The following OR9Q1 variants were observed in gnomAD, a reference collection of about 807,000 sequenced individuals.
OR9Q1 encodes the protein olfactory receptor family 9 subfamily Q member 1, also known as olfactory receptor 9Q1.
For synonymous variants in OR9Q1, 153 were observed against 148.6 expected (o/e 1.03, Z -0.22); for missense variants, 374 against 378.8 (o/e 0.99, Z 0.11).
intron 2 of OR9Q1, among the ~76,000 whole-genome samples, chr11:58,176,108 G>T (rs1854604340): frequency 6.6e-6 from 1 of 152,234 alleles, no homozygotes. Flanking sequence ...AGGGTACCCA[G>T]TTGGCCCTCC....
intron 2 of OR9Q1, among the ~76,000 whole-genome samples, chr11:58,141,649 A>T (rs575604559): frequency 6.6e-6 from 1 of 152,218 alleles, no homozygotes; most frequent in African/African-American, 2.4e-5. Flanking sequence ...TTTTGCATCA[A>T]TGTTCGTCAG....
At chr11:58,128,827 G>A (rs938698941) in intron 2 of OR9Q1, among the ~76,000 whole-genome samples, 1 of 152,002 alleles carries the variant, frequency 6.6e-6, no homozygotes, top group Non-Finnish European at 1.5e-5. Context: ...TAATACTAAA[G>A]TTTATGTGTC....
rs542030543 is a variant in OR9Q1, at chr11:58,111,547, CA to C, written c.-15+55604del. 3.9e-5 allele frequency among the ~76,000 whole-genome samples: 6 copies of C among 152,294 alleles called. No individual in the cohort carries two copies. In the South Asian group the frequency reaches 8.3e-4, roughly 21 times the overall value. On this transcript the variant is annotated intron_variant, in intron 2 of 2. Coordinates refer to ENST00000335397, the MANE Select transcript of OR9Q1 (RefSeq NM_001005212.4). ...CAGGGTTTCTTAATTCAAATCTCTT[CA>C]AAAGAGATTTTGATTTATCCAGCTG...
chr11:58,106,675 G>A (rs1853843391), intron 2 of OR9Q1, among the ~76,000 whole-genome samples: 1 of 152,092 alleles, frequency 6.6e-6, no homozygotes, highest in Non-Finnish European at 1.5e-5. Flanking sequence ...TTTTGTGTGT[G>A]CATAACGTAG....
At position 58,179,953 on chromosome 11, in the gene OR9Q1, G is replaced by A. The variant is rs1351139778; in HGVS notation, c.509G>A (p.Gly170Glu). Reference protein sequence around the residue: ...TVSAFTLSFCGTSEIDFIFCD... With the variant: ...TVSAFTLSFCETSEIDFIFCD... ...TCAGCCTTCACTCTCTCCTTCTGTG[G>A]AACCAGTGAGATTGACTTTATTTTC... The change falls in exon 3 of 3, where the codon GGA (glycine) becomes GAA (glutamate). Residue 170 changes from glycine to glutamate, a missense_variant. Transcript: ENST00000335397. The A allele has an allele frequency of 6.2e-7, 1 of 1,614,048 alleles. No individual in the cohort carries two copies. Among genetic ancestry groups the A allele is most frequent in the African/African-American group, 1.3e-5 (1 of 74,928 alleles).
intron 2 of OR9Q1, chr11:58,109,607 C>A (rs1853879850): frequency 8.8e-6 from 4 of 457,076 alleles, no homozygotes; most frequent in Admixed American, 2.3e-5. Flanking sequence ...TCAGGGTGAT[C>A]TGTGAAGACT....
chr11:58,076,762 C>T (rs185899910), intron 2 of OR9Q1, among the ~76,000 whole-genome samples: 1 of 152,276 alleles, frequency 6.6e-6, no homozygotes, highest in East Asian at 1.9e-4. Context: ...GCTGGGATTA[C>T]AGGCATGAGA....
At chr11:58,053,503 A>G (rs988241030) in intron 1 of OR9Q1, among the ~76,000 whole-genome samples, 13 of 144,890 alleles carry the variant, frequency 9.0e-5, no homozygotes, top group Middle Eastern at 3.5e-3. Flanking sequence ...ATGCTAAATG[A>G]CGAGTTAATG....
At chr11:58,038,020 C>T (rs1029104064) in intron 1 of OR9Q1, among the ~76,000 whole-genome samples, 12 of 1,226 alleles carry the variant, frequency 9.8e-3, no homozygotes, top group African/African-American at 0.035. Flanking sequence ...CATGAGCTAC[C>T]GCGCCCGGCC....
chr11:58,060,509 G>A (rs1301762367), intron 2 of OR9Q1, among the ~76,000 whole-genome samples: 1 of 152,186 alleles, frequency 6.6e-6, no homozygotes, highest in African/African-American at 2.4e-5. Flanking sequence ...GGAGCAGAGG[G>A]GAAGGGGTTG....
chr11:58,157,146 G>A (rs1311899251), intron 2 of OR9Q1, among the ~76,000 whole-genome samples: 3 of 152,042 alleles, frequency 2.0e-5, no homozygotes, highest in African/African-American at 7.2e-5. Context: ...TGGCTTAAAG[G>A]CTCCTTCCAG....
intron 2 of OR9Q1, among the ~76,000 whole-genome samples, chr11:58,176,865 G>A (rs1854611588): frequency 6.6e-6 from 1 of 151,976 alleles, no homozygotes. Context: ...GAATACTTTT[G>A]CCCCTACACC....
intron 2 of OR9Q1, among the ~76,000 whole-genome samples, chr11:58,149,232 T>C (rs1351375226): frequency 6.6e-6 from 1 of 152,162 alleles, no homozygotes; most frequent in Non-Finnish European, 1.5e-5. Context: ...TCTGTTGTTT[T>C]ATATATAGAC....
intron 2 of OR9Q1, among the ~76,000 whole-genome samples, chr11:58,171,904 CAG>C (rs1425459327): frequency 6.6e-6 from 1 of 152,116 alleles, no homozygotes; most frequent in African/African-American, 2.4e-5. Context: ...CAATGTAAGA[CAG>C]AGGCTGAATA....
chr11:58,119,340 G>A, intron 2 of OR9Q1: 1 of 1,613,856 alleles, frequency 6.2e-7, no homozygotes, highest in Non-Finnish European at 8.5e-7. Context: ...GGGTGACTAG[G>A]TAGAAACTCA....
intron 2 of OR9Q1, among the ~76,000 whole-genome samples, chr11:58,141,892 G>A (rs1352010235): frequency 6.6e-6 from 1 of 152,132 alleles, no homozygotes; most frequent in Non-Finnish European, 1.5e-5. Flanking sequence ...ACTTCTCTCT[G>A]TTATCAGAAG....
rs1565055172 is a variant in OR9Q1, at chr11:58,034,787, T to TTC, written c.-93+10684_-93+10685insCT. 2.3e-3 allele frequency among the ~76,000 whole-genome samples: 234 copies of TTC among 102,458 alleles called. 1 individual carries two copies. Among genetic ancestry groups the TTC allele is most frequent in the Middle Eastern group, 8.5e-3 (2 of 234 alleles). 67.2% of individuals were successfully genotyped at this position (102,458 alleles called of 152,430 possible). On this transcript the variant is annotated intron_variant, in intron 1 of 2. Coordinates refer to ENST00000335397, the MANE Select transcript of OR9Q1 (RefSeq NM_001005212.4). Reference sequence around the variant, plus strand: ...CCTTCCTTCTTCCTTCCCTCCCTCCTTTCTCCCTTCCTTCCTTCCTTCCTT... The same window carrying TTC: ...CCTTCCTTCTTCCTTCCCTCCCTCCTTCTTCTCCCTTCCTTCCTTCCTTCCTT...
chr11:58,142,257 C>A (rs549682342), intron 2 of OR9Q1, among the ~76,000 whole-genome samples: 1 of 151,992 alleles, frequency 6.6e-6, no homozygotes, highest in African/African-American at 2.4e-5. Flanking sequence ...CCAGGCTCCA[C>A]GAGAATGAGC....
chr11:58,025,951 G>A (rs10896690), intron 1 of OR9Q1, among the ~76,000 whole-genome samples: 39,648 of 151,778 alleles, frequency 0.26, 5,743 homozygotes, highest in East Asian at 0.61. Flanking sequence ...TCTTTCCACC[G>A]TCCCCCACCC....
Sources: gnomAD v4.1 joint callset for allele counts (sites outside exome capture counted in the v4.1 genomes callset) on GRCh38, gnomAD v4.1.1 for gene constraint, MANE v1.5 for transcripts, NCBI Gene and HGNC (gene_info 2026-07-23, HGNC 2026-07-21) for gene names.